GHITM: variants seen among roughly 807,000 people sequenced by gnomAD.
GHITM encodes growth hormone inducible transmembrane protein.
A neutral mutation model predicts 38.7 loss-of-function variants in GHITM; 24 were observed. The ratio of observed to expected loss-of-function variants is 0.62; its 90% CI spans 0.45 to 0.87. GHITM has a LOEUF of 0.87. Among genes scored for constraint, GHITM ranks in the 40% least tolerant of loss-of-function variants. GHITM has a pLI of 0.00. For missense variants in GHITM, 420 were observed against 429.8 expected, an observed-to-expected ratio of 0.98 and a Z score of 0.20; for synonymous variants, 154 against 147.8, an observed-to-expected ratio of 1.04 and a Z score of -0.30.
chr10:84,148,883 C>CT, intron 6 of GHITM, 45 bp downstream of exon 6: 1 of 1,159,976 alleles, frequency 8.6e-7, no homozygotes, highest in Non-Finnish European at 1.3e-6. Flanking sequence ...TGACTACCAC[C>CT]TTTTTTGGGT....
intron 5 of GHITM, among the ~76,000 whole-genome samples, chr10:84,147,682 G>T (rs1841569661): frequency 1.3e-5 from 2 of 152,128 alleles, no homozygotes; most frequent in Non-Finnish European, 2.9e-5. Context: ...GATTCCAAGG[G>T]CTACAAGTTT....
At chr10:84,141,385 T>G in intron 1 of GHITM, 77 bp from the exon 2 acceptor site, 1 of 803,218 alleles carries the variant, frequency 1.2e-6, no homozygotes, top group Non-Finnish European at 2.0e-6. Context: ...CTGACTCTCA[T>G]ATGTCCTTCT....
In GHITM at chr10:84,153,085, A is replaced by G. The variant is rs911414510; in HGVS notation, c.*737A>G. ...GTGTGTTTTACTTTTGAATGTTACA[A>G]AAGGAAATAACTTTAAAACTATTCT... is the stretch of plus-strand genomic sequence containing the variant. On this transcript the variant is annotated 3_prime_UTR_variant, in exon 9 of 9. Coordinates refer to ENST00000372134, the MANE Select transcript of GHITM (RefSeq NM_014394.3). 6.6e-6 allele frequency: 1 copy of G among 152,234 alleles called. No individual in the cohort carries two copies. The highest frequency in any genetic ancestry group is 1.5e-5 in the Non-Finnish European group (1 of 68,032). The allele number at this position is 152,234 out of a possible 1,614,324, so 9.4% of individuals were successfully genotyped here. A position where few individuals can be genotyped will look rare whatever the true frequency, so the allele number is the denominator to read the frequency against.
In GHITM at chr10:84,141,601, A is replaced by G. The variant is rs957052749; in HGVS notation, c.101A>G (p.Lys34Arg). Reference sequence around the variant, plus strand: ...CCTGTTGTGAAGAATTCCATCACGAAGAATCAATGGCTGTTAACACCTAGC... The same window carrying G: ...CCTGTTGTGAAGAATTCCATCACGAGGAATCAATGGCTGTTAACACCTAGC... The part of the protein sequence containing the change: ...ASPVVKNSIT[K>R]NQWLLTPSRE... Residue 34 changes from lysine (K) to arginine (R), a missense_variant, in exon 2 of 9, where the codon AAG (lysine) becomes AGG (arginine). By Grantham distance (26) the Lys-to-Arg change is conservative (BLOSUM62 2). Coordinates refer to ENST00000372134, the MANE Select transcript of GHITM (RefSeq NM_014394.3). 3.7e-6 allele frequency: 6 copies of G among 1,613,740 alleles called. No individual in the cohort carries two copies. The African/African-American group carries it at 8.0e-5, about 22-fold the overall frequency.
In GHITM at chr10:84,152,972, T is replaced by C. The variant is rs993753910; in HGVS notation, c.*624T>C. 1.9e-4 allele frequency: 29 copies of C among 152,384 alleles called. No individual in the cohort carries two copies. The highest frequency in any genetic ancestry group is 5.3e-4 in the African/African-American group (22 of 41,578). 9.4% of individuals were successfully genotyped at this position (152,384 alleles called of 1,614,324 possible). A position where few individuals can be genotyped will look rare whatever the true frequency, so the allele number is the denominator to read the frequency against. The stretch of plus-strand genomic sequence containing the variant: ...TGATGCATTCTCCTGCTGTTGCTTC[T>C]CAGTGCTCTCTTTCCAATATAGATG... On this transcript the variant is annotated 3_prime_UTR_variant, in exon 9 of 9. Transcript: ENST00000372134.
chr10:84,152,342 G>A lies in GHITM; in HGVS notation c.1032G>A (p.Lys344=). ...TGCTGGCAACTGGAGGCAACAGAAA[G>A]AAATGAAGTGACTCAGCTTCTGGCT... ...ATMLATGGNR[K]K is the part of the protein sequence containing the mutation. The change falls in exon 9 of 9, where the codon AAG becomes AAA. Residue 344 remains lysine, a synonymous_variant. Coordinates refer to ENST00000372134, the MANE Select transcript of GHITM (RefSeq NM_014394.3). 4 of 1,581,068 alleles carry A rather than the reference G, an allele frequency of 2.5e-6. No individual in the cohort carries two copies. Among genetic ancestry groups the A allele is most frequent in the Non-Finnish European group, 3.5e-6 (4 of 1,151,474 alleles).
intron 1 of GHITM, among the ~76,000 whole-genome samples, chr10:84,140,926 G>C (rs1405065382): frequency 6.6e-6 from 1 of 152,030 alleles, no homozygotes; most frequent in African/African-American, 2.4e-5. Flanking sequence ...TTGAAGGAAA[G>C]TAATATTTGG....
intron 2 of GHITM, 131 bp downstream of exon 2, chr10:84,141,760 T>G: frequency 1.3e-6 from 1 of 783,888 alleles, no homozygotes; most frequent in Non-Finnish European, 2.2e-6. Context: ...CAATCAGCTC[T>G]TTCTCCCCAT....
chr10:84,146,894 C>T lies in GHITM; in HGVS notation c.484-1836C>T, dbSNP rs537486886. On this transcript the variant is annotated intron_variant, in intron 5 of 8. Transcript: ENST00000372134. ...ATATATACAAACACACACATAGACACACAGATAATGTCAAAGTTTGTCCCA... is the reference window on the plus strand; with the variant it reads ...ATATATACAAACACACACATAGACATACAGATAATGTCAAAGTTTGTCCCA... Among the ~76,000 whole-genome samples the T allele has an allele frequency of 2.6e-5, 4 of 152,308 alleles. No individual in the cohort carries two copies. The East Asian group carries it at 7.7e-4, about 29-fold the overall frequency.
rs1413439810 is a variant in GHITM, at chr10:84,142,687, G to C, written c.162G>C (p.Arg54=). Residue 54 remains arginine, a synonymous_variant, in exon 3 of 9, where the codon CGG becomes CGC. Transcript: ENST00000372134. ...EYATKTRIGI[R]RGRTGQELKE... The stretch of plus-strand genomic sequence containing the variant: ...CCACCAAAACAAGAATTGGGATCCG[G>C]CGTGGGAGAACTGGCCAAGAACTCA... 6.2e-7 allele frequency: 1 copy of C among 1,612,860 alleles called. No homozygotes were observed. The highest frequency in any genetic ancestry group is 1.3e-5 in the African/African-American group (1 of 74,902).
chr10:84,141,153 C>T (rs184985734), intron 1 of GHITM, among the ~76,000 whole-genome samples: 2 of 152,316 alleles, frequency 1.3e-5, no homozygotes, highest in African/African-American at 4.8e-5. Context: ...GTAATCACGT[C>T]CAGTTATTAA....
intron 4 of GHITM, 131 bp downstream of exon 4, chr10:84,144,237 A>G (rs867784539): frequency 3.9e-4 from 229 of 581,232 alleles, no homozygotes; most frequent in Middle Eastern, 8.6e-4. Flanking sequence ...TATACACACA[A>G]ATAGAGAATC....
chr10:84,150,149 C>T lies in GHITM; in HGVS notation c.687C>T (p.Leu229=), dbSNP rs1415248119. 1 of 1,614,120 alleles carries T rather than the reference C, an allele frequency of 6.2e-7. No individual in the cohort carries two copies. The highest frequency in any genetic ancestry group is 8.5e-7 in the Non-Finnish European group (1 of 1,179,994). ...AWYTAGIVGG[L]STVAMCAPSE... is the part of the protein sequence containing the mutation. Reference sequence around the variant, plus strand: ...ACACAGCTGGCATTGTGGGAGGCCTCTCCACTGTGGCCATGTGTGCGCCCA... The same window carrying T: ...ACACAGCTGGCATTGTGGGAGGCCTTTCCACTGTGGCCATGTGTGCGCCCA... The change falls in exon 7 of 9, where the codon CTC becomes CTT. Residue 229 remains leucine, a synonymous_variant. Transcript: ENST00000372134.
At position 84,153,481 on chromosome 10, in the gene GHITM, A is replaced by G. The variant is rs1841630209; in HGVS notation, c.*1133A>G. Among the ~76,000 whole-genome samples, 1 of 152,246 alleles carries G rather than the reference A, an allele frequency of 6.6e-6. No homozygotes were observed. Among genetic ancestry groups the G allele is most frequent in the African/African-American group, 2.4e-5 (1 of 41,462 alleles). On this transcript the variant is annotated 3_prime_UTR_variant, in exon 9 of 9. Transcript: ENST00000372134. ...AGACTTTTACTTCTCTTACACTGCT[A>G]CACCATTACTTTCTTGAGACATTTG...
At chr10:84,140,514 T>C (rs1442366112) in intron 1 of GHITM, 1 of 152,210 alleles carries the variant, frequency 6.6e-6, no homozygotes, top group African/African-American at 2.4e-5. Context: ...AACGCTGTAG[T>C]CTGAACACGG....
chr10:84,140,059 A>C (rs1013593966), intron 1 of GHITM: 4 of 145,234 alleles, frequency 2.8e-5, no homozygotes, highest in African/African-American at 1.0e-4. Flanking sequence ...CCCATTTTAT[A>C]GCAACGACAT....
intron 6 of GHITM, 25 bp downstream of exon 6, chr10:84,148,863 G>A (rs373434082): frequency 3.3e-5 from 47 of 1,423,118 alleles, no homozygotes; most frequent in East Asian, 1.4e-4. Context: ...AAATTGTTAC[G>A]AGACAACCTT....
intron 3 of GHITM, 98 bp from the exon 4 acceptor site, chr10:84,143,897 A>G: frequency 1.1e-6 from 1 of 883,498 alleles, no homozygotes; most frequent in Non-Finnish European, 1.9e-6. Flanking sequence ...TATGGCTTCT[A>G]TTAAATATGG....
Position 84,148,793 on chromosome 10 carries a change from G to T in GHITM, c.547G>T (p.Asp183Tyr). The change falls in exon 6 of 9, where the codon GAC becomes TAC. Residue 183 changes from aspartate to tyrosine, a missense_variant. By Grantham distance (160) the Asp-to-Tyr change is radical. Coordinates refer to ENST00000372134, the MANE Select transcript of GHITM (RefSeq NM_014394.3). ...AATGCTGGTACGATCAATACCATAT[G>T]ACCAGAGCCCAGGCCCAAAGCATCT... The part of the protein sequence containing the change: ...AGMLVRSIPY[D>Y]QSPGPKHLAW... The T allele has an allele frequency of 6.2e-7, 1 of 1,613,200 alleles. No individual in the cohort carries two copies. The highest frequency in any genetic ancestry group is 1.1e-5 in the South Asian group (1 of 91,032).
Sources: allele counts gnomAD v4.1 joint callset (sites outside exome capture counted in the v4.1 genomes callset), GRCh38; gene constraint gnomAD v4.1.1; transcripts MANE v1.5; gene names NCBI Gene and HGNC (gene_info 2026-07-23, HGNC 2026-07-21).